Variants in GABRG3 observed in about 807,000 individuals in gnomAD.
GABRG3 encodes gamma-aminobutyric acid receptor subunit gamma-3.
Under a neutral mutation model 48.8 loss-of-function variants are expected in GABRG3, and 25 were observed. The ratio of observed to expected loss-of-function variants is 0.51; its 90% CI spans 0.37 to 0.72. GABRG3 has a LOEUF of 0.72. GABRG3 is among the 30% of genes least tolerant of loss of function. The pLI is 0.00. For missense variants in GABRG3, 394 were observed against 577.9 expected (o/e 0.68, Z 3.26); for synonymous variants, 227 against 217.6 (o/e 1.04, Z -0.38).
At chr15:27,167,709 T>G (rs1017543134) in intron 3 of GABRG3, among the ~76,000 whole-genome samples, 7 of 152,152 alleles carry the variant, frequency 4.6e-5, no homozygotes, top group Admixed American at 6.5e-5. Flanking sequence ...CTCCCAGCTC[T>G]GCAGGCCTCC....
chr15:27,259,112 A>G (rs1890701044), intron 3 of GABRG3, among the ~76,000 whole-genome samples: 1 of 152,190 alleles, frequency 6.6e-6, no homozygotes, highest in Admixed American at 6.5e-5. Context: ...TTCCATGTAT[A>G]CACCACATTT....
intron 3 of GABRG3, among the ~76,000 whole-genome samples, chr15:27,162,446 C>T (rs867625955): frequency 3.0e-4 from 45 of 152,254 alleles, no homozygotes; most frequent in African/African-American, 9.4e-4. Context: ...GTGAATATCT[C>T]CTCCCTGTGC....
intron 3 of GABRG3, among the ~76,000 whole-genome samples, chr15:27,065,249 T>G (rs979513095): frequency 6.6e-6 from 1 of 152,256 alleles, no homozygotes; most frequent in Non-Finnish European, 1.5e-5. Flanking sequence ...GCAGGAATTC[T>G]GCTTTATGAT....
chr15:27,344,310 C>T (rs1157303671), intron 5 of GABRG3, among the ~76,000 whole-genome samples: 1 of 152,184 alleles, frequency 6.6e-6, no homozygotes, highest in Non-Finnish European at 1.5e-5. Context: ...ATCTTAATAC[C>T]TTAGCACTGT....
At chr15:27,327,177 C>T in intron 4 of GABRG3, 148 bp downstream of exon 4, 2 of 674,162 alleles carry the variant, frequency 3.0e-6, no homozygotes, top group Non-Finnish European at 5.0e-6. Flanking sequence ...AGTCTGCCCT[C>T]ATGCAACATG....
At chr15:27,379,332 T>C (rs1365125980) in intron 5 of GABRG3, among the ~76,000 whole-genome samples, 1 of 152,210 alleles carries the variant, frequency 6.6e-6, no homozygotes, top group Non-Finnish European at 1.5e-5. Flanking sequence ...GTGAGTACTT[T>C]ACAACAGTAT....
chr15:27,385,424 A>C (rs970575874), intron 5 of GABRG3, among the ~76,000 whole-genome samples: 1 of 151,640 alleles, frequency 6.6e-6, no homozygotes, highest in African/African-American at 2.4e-5. Flanking sequence ...TCAAATTTTG[A>C]AAGTTTTCAA....
intron 5 of GABRG3, among the ~76,000 whole-genome samples, chr15:27,426,961 GC>G (rs2140618822): frequency 6.6e-6 from 1 of 152,258 alleles, no homozygotes; most frequent in Non-Finnish European, 1.5e-5. Context: ...TGTTACATTA[GC>G]ATTTAGTAGC....
intron 3 of GABRG3, among the ~76,000 whole-genome samples, chr15:27,246,216 T>C (rs898565687): frequency 6.6e-6 from 1 of 152,156 alleles, no homozygotes; most frequent in Non-Finnish European, 1.5e-5. Context: ...CCTGATGACA[T>C]GTGGATGCAG....
intron 3 of GABRG3, among the ~76,000 whole-genome samples, chr15:27,313,256 GTGTGTGTATATA>G (rs1329662619): frequency 5.4e-4 from 31 of 57,450 alleles, no homozygotes; most frequent in Middle Eastern, 7.4e-3. Flanking sequence ...GTGTGTGTGT[GTGTGTGTATATA>G]TATATATATA....
chr15:27,136,484 T>C (rs1898009878), intron 3 of GABRG3, among the ~76,000 whole-genome samples: 1 of 152,142 alleles, frequency 6.6e-6, no homozygotes, highest in African/African-American at 2.4e-5. Flanking sequence ...TTAATCCATG[T>C]ATCTTCTGTG....
chr15:26,980,972 T>C (rs1468904252), intron 2 of GABRG3, among the ~76,000 whole-genome samples: 1 of 152,110 alleles, frequency 6.6e-6, no homozygotes, highest in Non-Finnish European at 1.5e-5. Context: ...AACTAATGGA[T>C]ACTAGGCTAA....
intron 3 of GABRG3, among the ~76,000 whole-genome samples, chr15:27,302,143 A>G (rs1328975609): frequency 1.3e-5 from 2 of 152,122 alleles, no homozygotes; most frequent in Non-Finnish European, 2.9e-5. Flanking sequence ...AAAATAGGAT[A>G]TTCTTTTATA....
chr15:27,102,903 T>C (rs1292409097), intron 3 of GABRG3, among the ~76,000 whole-genome samples: 2 of 152,200 alleles, frequency 1.3e-5, no homozygotes, highest in African/African-American at 4.8e-5. Context: ...GTCTTAAATA[T>C]TGAAAATTCC....
chr15:27,034,219 G>A (rs1346888824), intron 3 of GABRG3, among the ~76,000 whole-genome samples: 2 of 152,144 alleles, frequency 1.3e-5, no homozygotes, highest in African/African-American at 2.4e-5. Context: ...TGGCTTTGTG[G>A]ATCTCCTGTT....
At chr15:27,285,936 T>G (rs1055259124) in intron 3 of GABRG3, among the ~76,000 whole-genome samples, 1 of 152,142 alleles carries the variant, frequency 6.6e-6, no homozygotes, top group South Asian at 2.1e-4. Flanking sequence ...CTCACTCACC[T>G]CTCTATCAAT....
Position 27,328,865 on chromosome 15 carries a change from C to G in GABRG3, c.551C>G (p.Ser184Cys), listed in dbSNP as rs1358532315. The G allele has an allele frequency of 6.2e-7, 1 of 1,613,924 alleles. No individual in the cohort carries two copies. Among genetic ancestry groups the G allele is most frequent in the Non-Finnish European group, 8.5e-7 (1 of 1,179,882 alleles). Residue 184 changes from serine (S) to cysteine (C), a missense_variant, in exon 5 of 10, where the codon TCC becomes TGC. Transcript: ENST00000615808. Reference sequence around the variant, plus strand: ...CACAACTTCCCCATGGACGAACACTCCTGCCCGCTGATTTTCTCCAGCTGT... The same window carrying G: ...CACAACTTCCCCATGGACGAACACTGCTGCCCGCTGATTTTCTCCAGCTGT... ...QLHNFPMDEHSCPLIFSSYGY... is the reference protein window; with the variant it reads ...QLHNFPMDEHCCPLIFSSYGY...
intron 3 of GABRG3, among the ~76,000 whole-genome samples, chr15:27,153,532 T>C (rs1250153622): frequency 6.6e-6 from 1 of 152,194 alleles, no homozygotes; most frequent in African/African-American, 2.4e-5. Context: ...TTTTAAATAA[T>C]TTTTATACAA....
intron 3 of GABRG3, among the ~76,000 whole-genome samples, chr15:27,168,459 T>G (rs937336311): frequency 1.3e-5 from 2 of 152,144 alleles, no homozygotes; most frequent in Non-Finnish European, 2.9e-5. Context: ...TGTTTTTTCT[T>G]AGGACTCTTG....
Sources: allele counts gnomAD v4.1 joint callset (sites outside exome capture counted in the v4.1 genomes callset), GRCh38; gene constraint gnomAD v4.1.1; transcripts MANE v1.5; gene names NCBI Gene and HGNC (gene_info 2026-07-23, HGNC 2026-07-21).